The following AGAP9 variants were observed in gnomAD, a reference collection of about 807,000 sequenced individuals.
The protein encoded by AGAP9 is arf-GAP with GTPase, ANK repeat and PH domain-containing protein 9.
A neutral mutation model predicts 55.6 loss-of-function variants in AGAP9; 23 were observed. The ratio of observed to expected loss-of-function variants is 0.41; its 90% CI spans 0.30 to 0.59. The LOEUF is 0.59. Among genes scored for constraint, AGAP9 ranks in the 20% least tolerant of loss-of-function variants. The probability of loss-of-function intolerance (pLI) is 0.25; values close to 1 mark genes in which losing one functional copy is unlikely to be tolerated. For synonymous variants in AGAP9, 120 were observed against 305.0 expected, an observed-to-expected ratio of 0.39 and a Z score of 6.32; for missense variants, 309 against 808.1, an observed-to-expected ratio of 0.38 and a Z score of 7.49.
At chr10:47,503,895 G>A (rs1360660847) in intron 7 of AGAP9, among the ~76,000 whole-genome samples, 8 of 78,114 alleles carry the variant, frequency 1.0e-4, no homozygotes, top group African/African-American at 1.9e-4. Flanking sequence ...AGCCAAGATC[G>A]CGCGATTGCA....
chr10:47,506,497 T>C (rs1312878826), intron 6 of AGAP9, among the ~76,000 whole-genome samples: 2 of 137,630 alleles, frequency 1.5e-5, no homozygotes, highest in Non-Finnish European at 3.1e-5. Flanking sequence ...CGCCCAGCCA[T>C]TTTTTGTACT....
intron 5 of AGAP9, among the ~76,000 whole-genome samples, chr10:47,509,943 G>C (rs1462075938): frequency 7.0e-6 from 1 of 142,172 alleles, no homozygotes; most frequent in African/African-American, 2.6e-5. Context: ...AAGGCATAAA[G>C]ACATCAAAAA....
rs1455309864 is a variant in AGAP9 at position 47,511,222 on chromosome 10, C to T, written c.397-951G>A. On this transcript the variant is annotated intron_variant, in intron 4 of 7. Transcript: ENST00000452145. The stretch of plus-strand genomic sequence containing the variant: ...CCTCCCAAAGTACTGGGATTACAGG[C>T]GTGAGCCACGGCGCCCAGTCCTTCT... Among the ~76,000 whole-genome samples the T allele has an allele frequency of 2.1e-5, 3 of 140,882 alleles. 1 individual carries two copies. Among genetic ancestry groups the T allele is most frequent in the Admixed American group, 7.2e-5 (1 of 13,872 alleles). 92.4% of individuals were successfully genotyped at this position (140,882 alleles called of 152,430 possible).
intron 4 of AGAP9, among the ~76,000 whole-genome samples, chr10:47,514,488 T>C: frequency 9.4e-6 from 1 of 106,340 alleles, no homozygotes; most frequent in Middle Eastern, 4.2e-3. Context: ...GGGTGAGGGA[T>C]AAAAGACTAC....
rs1186289373 is a variant in AGAP9, at chr10:47,503,237, T to C, written c.892A>G (p.Lys298Glu). The change falls in exon 8 of 8, where the codon AAG (lysine) becomes GAG (glutamate). Residue 298 changes from lysine to glutamate, a missense_variant. Transcript: ENST00000452145. ...GTGACGTATTTCTTTTTCCATGTCT[T>C]CAGCCATTTTCCACTTCGCTTTAAG... ...MLLKRSGKWL[K>E]TWKKKYVTLC... The C allele has an allele frequency of 1.9e-6, 3 of 1,544,770 alleles. 1 individual carries two copies. The African/African-American group carries it at 4.3e-5, about 22-fold the overall frequency.
In AGAP9 at chr10:47,510,845, A is replaced by G. The variant is rs1332543625; in HGVS notation, c.397-574T>C. 3.0e-3 allele frequency among the ~76,000 whole-genome samples: 374 copies of G among 125,868 alleles called. 32 individuals are homozygous for G. The highest frequency in any genetic ancestry group is 0.017 in the Middle Eastern group (4 of 232). The allele number at this position is 125,868 out of a possible 152,430, so 82.6% of individuals were successfully genotyped here. On this transcript the variant is annotated intron_variant, in intron 4 of 7. Coordinates refer to ENST00000452145, the MANE Select transcript of AGAP9 (RefSeq NM_001190810.1). The stretch of plus-strand genomic sequence containing the variant: ...ACTCCGTCTCAAAAAAAAAAAAAAA[A>G]AAAGAAAGAAAAGTTTAAAATGAGA...
In AGAP9 at chr10:47,509,925, A is replaced by G. The variant is rs1432610884; in HGVS notation, c.497+246T>C. Among the ~76,000 whole-genome samples, 11 of 141,584 alleles carry G rather than the reference A, an allele frequency of 7.8e-5. 1 individual carries two copies. Among genetic ancestry groups the G allele is most frequent in the African/African-American group, 2.8e-4 (11 of 38,916 alleles). 92.9% of individuals were successfully genotyped at this position (141,584 alleles called of 152,430 possible). A position where few individuals can be genotyped will look rare whatever the true frequency, so the allele number is the denominator to read the frequency against. On this transcript the variant is annotated intron_variant, in intron 5 of 7. Transcript: ENST00000452145. ...ACCTATCCTTCTCACTGTGTTCAAC[A>G]TTGTCTAAAGGCATAAAGACATCAA...
chr10:47,520,857 A>AG (rs1840811599), intron 2 of AGAP9, among the ~76,000 whole-genome samples: 1 of 131,510 alleles, frequency 7.6e-6, no homozygotes, highest in African/African-American at 3.3e-5. Context: ...AAAAAAAAAA[A>AG]AAAAGAAGAA....
chr10:47,521,979 G>C (rs1247835763), intron 2 of AGAP9, among the ~76,000 whole-genome samples: 1 of 150,724 alleles, frequency 6.6e-6, no homozygotes, highest in African/African-American at 2.5e-5. Flanking sequence ...TAGAGACAGC[G>C]TTTCACCATG....
intron 7 of AGAP9, among the ~76,000 whole-genome samples, chr10:47,503,855 A>AC (rs1259719936): frequency 5.4e-5 from 6 of 110,544 alleles, no homozygotes; most frequent in Non-Finnish European, 1.0e-4. Context: ...AATTGCTTGA[A>AC]CAGGGACCTG....
intron 5 of AGAP9, among the ~76,000 whole-genome samples, chr10:47,508,736 A>G: frequency 1.3e-5 from 1 of 76,864 alleles, no homozygotes; most frequent in Middle Eastern, 4.9e-3. Context: ...AGCTGGGGTG[A>G]AAATCAGAAT....
At position 47,502,248 on chromosome 10, in the gene AGAP9, T is replaced by C. The variant is rs1047466; in HGVS notation, c.1881A>G (p.Ala627=). Residue 627 remains alanine (A), a synonymous_variant, in exon 8 of 8, where the codon GCA becomes GCG. Transcript: ENST00000452145. ...TCCCCTTGCGGCAGGCCAGATGGAG[T>C]GCCGTGCAGCCGTCTCCCTCCCCAC... is the stretch of plus-strand genomic sequence containing the variant. ...ETCGEGDGCT[A]LHLACRKGNV... 296 of 1,592,290 alleles carry C rather than the reference T, an allele frequency of 1.9e-4. 11 individuals are homozygous for C. The highest frequency in any genetic ancestry group is 1.5e-3 in the South Asian group (137 of 90,512).
chr10:47,507,936 T>C (rs1478144441), intron 5 of AGAP9, among the ~76,000 whole-genome samples: 2 of 91,052 alleles, frequency 2.2e-5, no homozygotes, highest in African/African-American at 8.5e-5. Context: ...TCTCTCTTGC[T>C]CAGACTGGAC....
In AGAP9 at chr10:47,510,164, T is replaced by C; in HGVS notation, c.497+7A>G. On this transcript the variant is annotated splice_region_variant and intron_variant, in intron 5 of 7. Coordinates refer to ENST00000452145, the MANE Select transcript of AGAP9 (RefSeq NM_001190810.1). Reference sequence around the variant, plus strand: ...AATCTGTCCCTCGGCAGCATAGTTGTACTCACGATATTATTGTCATTGTAA... The same window carrying C: ...AATCTGTCCCTCGGCAGCATAGTTGCACTCACGATATTATTGTCATTGTAA... 1.6e-6 allele frequency: 2 copies of C among 1,250,002 alleles called. No individual in the cohort carries two copies. The highest frequency in any genetic ancestry group is 2.2e-6 in the Non-Finnish European group (2 of 913,660). The allele number at this position is 1,250,002 out of a possible 1,614,324, so 77.4% of individuals were successfully genotyped here.
intron 5 of AGAP9, among the ~76,000 whole-genome samples, chr10:47,509,034 A>G (rs1364672340): frequency 3.0e-5 from 4 of 135,356 alleles, no homozygotes; most frequent in Non-Finnish European, 4.6e-5. Context: ...TAGTGAATAC[A>G]CCAAATGATT....
At chr10:47,513,195 C>A (rs1321380582) in intron 4 of AGAP9, among the ~76,000 whole-genome samples, 3,124 of 147,352 alleles carry the variant, frequency 0.021, no homozygotes, top group Middle Eastern at 0.033. Context: ...CCACCACGCC[C>A]GGCTAACTTT....
At chr10:47,513,641 A>G (rs1840674560) in intron 4 of AGAP9, among the ~76,000 whole-genome samples, 1 of 140,424 alleles carries the variant, frequency 7.1e-6, no homozygotes, top group African/African-American at 2.6e-5. Flanking sequence ...AAACTATACT[A>G]TAAGGCCATA....
Position 47,509,044 on chromosome 10 carries a change from T to C in AGAP9, c.497+1127A>G, listed in dbSNP as rs1454351352. ...ACCAATAGTGAATACACCAAATGAT[T>C]ATTTCTCAAACTTGCTGGTGGCAAA... On this transcript the variant is annotated intron_variant, in intron 5 of 7. Transcript: ENST00000452145. Among the ~76,000 whole-genome samples, 467 of 134,050 alleles carry C rather than the reference T, an allele frequency of 3.5e-3. 2 individuals are homozygous for C. Among genetic ancestry groups the C allele is most frequent in the Non-Finnish European group, 4.7e-3 (303 of 64,312 alleles). The allele number at this position is 134,050 out of a possible 152,430, so 87.9% of individuals were successfully genotyped here.
At chr10:47,511,178 C>T (rs1219575367) in intron 4 of AGAP9, among the ~76,000 whole-genome samples, 1 of 135,606 alleles carries the variant, frequency 7.4e-6, no homozygotes, top group Non-Finnish European at 1.5e-5. Flanking sequence ...CTCCTCACCT[C>T]GTGATCTGCC....
Sources: gnomAD v4.1 joint callset for allele counts (sites outside exome capture counted in the v4.1 genomes callset) on GRCh38, gnomAD v4.1.1 for gene constraint, MANE v1.5 for transcripts, NCBI Gene and HGNC (gene_info 2026-07-23, HGNC 2026-07-21) for gene names.